The following PCDHGA3 variants were observed in gnomAD, a reference collection of about 807,000 sequenced individuals.
PCDHGA3 encodes protocadherin gamma-A3.
In PCDHGA3, 40 loss-of-function variants were observed where a neutral mutation model predicts 58.5. The observed-to-expected ratio is 0.68, with a 90% CI of 0.53 to 0.89. The LOEUF is 0.89. Ranked by LOEUF, PCDHGA3 falls within the 40% of genes least tolerant of loss-of-function variation. PCDHGA3 has a pLI of 0.00. For missense variants in PCDHGA3, 1,223 were observed against 1,195.9 expected (o/e 1.02, Z -0.33); for synonymous variants, 530 against 525.7 (o/e 1.01, Z -0.11).
At chr5:141,433,397 A>C (rs189987785) in intron 1 of PCDHGA3, among the ~76,000 whole-genome samples, 2 of 150,410 alleles carry the variant, frequency 1.3e-5, no homozygotes, top group African/African-American at 4.9e-5. Context: ...CTATCTATCT[A>C]TCTATCTATT....
In PCDHGA3 at chr5:141,491,623, G is replaced by C; in HGVS notation, c.2425-3184G>C. On this transcript the variant is annotated intron_variant, in intron 1 of 3. Coordinates refer to ENST00000253812, the MANE Select transcript of PCDHGA3 (RefSeq NM_018916.4). The surrounding 1 kb of genome is among the most constrained non-coding windows in gnomAD (Gnocchi z 6.9). ...CTTCACTTTTCTAAGACCCCTCAGC[G>C]TTCAGCAGCCCACAGCTCTGGCGCT... 1 of 1,613,930 alleles carries C rather than the reference G, an allele frequency of 6.2e-7. No individual in the cohort carries two copies. Among genetic ancestry groups the C allele is most frequent in the Non-Finnish European group, 8.5e-7 (1 of 1,180,020 alleles).
chr5:141,355,576 G>T (rs1347277711), intron 1 of PCDHGA3: 1 of 1,614,022 alleles, frequency 6.2e-7, no homozygotes, highest in Non-Finnish European at 8.5e-7. Context: ...AATAATCGAT[G>T]TTAATGATAA....
In PCDHGA3 at chr5:141,511,173, A is replaced by T. The variant is rs1384881403; in HGVS notation, c.2799A>T (p.Ter933TyrextTer31). ...AGTCGGGCAAGAAGGAGAAGAAGTA[A>T]CATGGAGGCCAGGCCAAGAGCCACA... ...KKKSGKKEKK[*>Y] Residue 933 changes from the stop codon to tyrosine, a stop_lost, in exon 4 of 4, where the codon TAA (stop) becomes TAT (tyrosine). Coordinates refer to ENST00000253812, the MANE Select transcript of PCDHGA3 (RefSeq NM_018916.4). 6.2e-7 allele frequency: 1 copy of T among 1,614,132 alleles called. No homozygotes were observed.
At chr5:141,447,636 T>C (rs772671166) in intron 1 of PCDHGA3, among the ~76,000 whole-genome samples, 49 of 152,136 alleles carry the variant, frequency 3.2e-4, no homozygotes, top group Non-Finnish European at 5.3e-4. Context: ...ACAGTATGAA[T>C]GATGGTAGAA....
chr5:141,381,971 A>C (rs1777809819), intron 1 of PCDHGA3, among the ~76,000 whole-genome samples: 1 of 150,888 alleles, frequency 6.6e-6, no homozygotes, highest in African/African-American at 2.4e-5. Flanking sequence ...CTGGGATTAC[A>C]GGCGCGCGCC....
At chr5:141,501,127 T>C (rs2099805755) in intron 2 of PCDHGA3, among the ~76,000 whole-genome samples, 5 of 152,024 alleles carry the variant, frequency 3.3e-5, no homozygotes, top group Non-Finnish European at 7.4e-5. Context: ...TCAGCCTCCC[T>C]AAGTGCTGGG....
At chr5:141,370,824 G>A (rs754309102) in intron 1 of PCDHGA3, 3 of 1,613,996 alleles carry the variant, frequency 1.9e-6, no homozygotes, top group Middle Eastern at 1.7e-4. Context: ...GGAAATCAGC[G>A]AACTGGCTCT....
chr5:141,489,061 C>A lies in PCDHGA3; in HGVS notation c.2425-5746C>A. On this transcript the variant is annotated intron_variant, in intron 1 of 3. Coordinates refer to ENST00000253812, the MANE Select transcript of PCDHGA3 (RefSeq NM_018916.4). This position sits in a 1 kb window ranked among gnomAD's most constrained non-coding sequence, Gnocchi z 4.5. ...AGCTCCACTCAAATTCAGCTCCCCT[C>A]CCCCCTGCCCACCCCCGCCACTCGG... 5 of 347,080 alleles carry A rather than the reference C, an allele frequency of 1.4e-5. No individual in the cohort carries two copies. The highest frequency in any genetic ancestry group is 2.2e-5 in the African/African-American group (1 of 46,422). 21.5% of individuals were successfully genotyped at this position (347,080 alleles called of 1,614,324 possible). A position where few individuals can be genotyped will look rare whatever the true frequency, so the allele number is the denominator to read the frequency against.
chr5:141,419,610 C>T (rs779657777), intron 1 of PCDHGA3: 162 of 1,612,012 alleles, frequency 1.0e-4, no homozygotes, highest in Non-Finnish European at 1.3e-4. Flanking sequence ...GCCGCGCAGC[C>T]AGGCTACCTG....
At chr5:141,419,088 T>C in intron 1 of PCDHGA3, 3 of 1,613,940 alleles carry the variant, frequency 1.9e-6, no homozygotes, top group Non-Finnish European at 2.5e-6. Context: ...GATGAGGCCC[T>C]GGATCGGGAG....
intron 3 of PCDHGA3, among the ~76,000 whole-genome samples, chr5:141,506,484 C>T (rs1489425559): frequency 6.6e-6 from 1 of 150,566 alleles, no homozygotes; most frequent in Non-Finnish European, 1.5e-5. Context: ...GCTTTAGAGG[C>T]AGGCCAATCT....
chr5:141,431,884 T>A lies in PCDHGA3; in HGVS notation c.2425-62923T>A. ...CCCTTTTAAATGTAAATGACCAAGA[T>A]TCTGAGGAAAACGGACAGGTGATCT... On this transcript the variant is annotated intron_variant, in intron 1 of 3. Transcript: ENST00000253812. This position sits in a 1 kb window ranked among gnomAD's most constrained non-coding sequence, Gnocchi z 4.8. 1.2e-6 allele frequency: 2 copies of A among 1,614,218 alleles called. No individual in the cohort carries two copies. Among genetic ancestry groups the A allele is most frequent in the Non-Finnish European group, 1.7e-6 (2 of 1,180,008 alleles).
intron 2 of PCDHGA3, 143 bp downstream of exon 2, chr5:141,495,008 G>A (rs2099758236): frequency 6.6e-7 from 1 of 1,521,900 alleles, no homozygotes; most frequent in Non-Finnish European, 8.8e-7. Context: ...TGGTGTGCGG[G>A]GGGCTGGCAC....
intron 1 of PCDHGA3, chr5:141,395,196 G>A (rs1431851304): frequency 5.0e-6 from 8 of 1,613,948 alleles, no homozygotes; most frequent in Admixed American, 1.7e-5. Flanking sequence ...GTTAACATCC[G>A]TAGATTTTCA....
At chr5:141,446,296 G>A (rs2098497546) in intron 1 of PCDHGA3, among the ~76,000 whole-genome samples, 1 of 152,160 alleles carries the variant, frequency 6.6e-6, no homozygotes, top group Non-Finnish European at 1.5e-5. Context: ...GGGGAGCAGG[G>A]ATTAAGAGTG....
At chr5:141,450,998 T>C (rs2098703513) in intron 1 of PCDHGA3, among the ~76,000 whole-genome samples, 1 of 151,696 alleles carries the variant, frequency 6.6e-6, no homozygotes, top group Non-Finnish European at 1.5e-5. Flanking sequence ...CTAATTTTTT[T>C]GTATTTTTTT....
intron 2 of PCDHGA3, among the ~76,000 whole-genome samples, chr5:141,501,286 C>T (rs2099806802): frequency 8.9e-6 from 1 of 112,422 alleles, no homozygotes; most frequent in African/African-American, 3.5e-5. Context: ...GGGATATTCC[C>T]TTATACACAC....
chr5:141,460,142 G>A (rs932507660), intron 1 of PCDHGA3, among the ~76,000 whole-genome samples: 5 of 151,950 alleles, frequency 3.3e-5, no homozygotes, highest in African/African-American at 1.2e-4. Flanking sequence ...TATTCTTGAT[G>A]TGAGCTCTTT....
At chr5:141,351,523 C>G in intron 1 of PCDHGA3, 1 of 1,614,036 alleles carries the variant, frequency 6.2e-7, no homozygotes, top group Non-Finnish European at 8.5e-7. Context: ...TCATAGCCAC[C>G]GACAAGGGCA....
Sources: gnomAD v4.1 joint callset for allele counts (sites outside exome capture counted in the v4.1 genomes callset) on GRCh38, gnomAD v4.1.1 for gene constraint, Gnocchi (gnomAD v3.1) non-coding constraint, MANE v1.5 for transcripts, NCBI Gene and HGNC (gene_info 2026-07-23, HGNC 2026-07-21) for gene names.